The following CSPP1 variants were observed in gnomAD, a reference collection of about 807,000 sequenced individuals.
CSPP1 encodes centrosome and spindle pole-associated protein 1.
CSPP1 carries 126 observed loss-of-function variants against 164.4 expected under a neutral mutation model. That is an observed-to-expected ratio of 0.77 (90% CI 0.66 to 0.89). The LOEUF is 0.89. CSPP1 is among the 40% of genes least tolerant of loss of function. The pLI, the probability that CSPP1 is intolerant of heterozygous loss-of-function variation, is 0.00. For synonymous variants in CSPP1, 472 were observed against 476.7 expected (o/e 0.99, Z 0.13); for missense variants, 1,395 against 1,449.8 (o/e 0.96, Z 0.61).
intron 28 of CSPP1, among the ~76,000 whole-genome samples, chr8:67,183,714 A>C (rs962542047): frequency 2.0e-5 from 3 of 152,168 alleles, no homozygotes; most frequent in Non-Finnish European, 2.9e-5. Flanking sequence ...GCCAAACTCT[A>C]AAACTCACAG....
In CSPP1 at chr8:67,066,019, A is replaced by G. The variant is rs140923503; in HGVS notation, c.-11+1481A>G. ...ATCATTCTGACTTAGGTTCTGATGT[A>G]CTTTCCTGAGTGGCAGGCAAGGGTG... On this transcript the variant is annotated intron_variant, in intron 1 of 30. Coordinates refer to ENST00000678616, the MANE Select transcript of CSPP1 (RefSeq NM_001382391.1). Among the ~76,000 whole-genome samples, 64 of 152,324 alleles carry G rather than the reference A, an allele frequency of 4.2e-4. No individual in the cohort carries two copies. The East Asian group carries it at 0.012, about 28-fold the overall frequency.
At chr8:67,066,157 T>C (rs1009477533) in intron 1 of CSPP1, among the ~76,000 whole-genome samples, 6 of 152,128 alleles carry the variant, frequency 3.9e-5, no homozygotes, top group African/African-American at 1.2e-4. Context: ...TCAACATGGT[T>C]TTATATATTT....
At chr8:67,157,578 T>A (rs1444359145) in intron 19 of CSPP1, 1 of 152,178 alleles carries the variant, frequency 6.6e-6, no homozygotes, top group Non-Finnish European at 1.5e-5. Context: ...AGCTCAAAAA[T>A]TAATAGCACT....
intron 17 of CSPP1, among the ~76,000 whole-genome samples, chr8:67,147,130 T>C (rs767833365): frequency 2.0e-5 from 3 of 152,244 alleles, no homozygotes; most frequent in Non-Finnish European, 4.4e-5. Flanking sequence ...GAAGTCCATA[T>C]ATAATCAACA....
intron 1 of CSPP1, among the ~76,000 whole-genome samples, chr8:67,067,699 G>A (rs1250903938): frequency 4.6e-5 from 7 of 151,866 alleles, no homozygotes; most frequent in South Asian, 2.1e-4. Context: ...TCCTGACCTC[G>A]TGATCCGCCC....
At chr8:67,087,542 A>G (rs76119008) in intron 4 of CSPP1, among the ~76,000 whole-genome samples, 3,661 of 152,276 alleles carry the variant, frequency 0.024, 63 homozygotes, top group Non-Finnish European at 0.038. Context: ...TTGTGAGGCA[A>G]TCTAGATTTG....
intron 13 of CSPP1, among the ~76,000 whole-genome samples, chr8:67,117,185 C>T (rs1818107370): frequency 1.3e-5 from 2 of 152,168 alleles, no homozygotes; most frequent in Admixed American, 6.5e-5. Context: ...CTATGAAATT[C>T]GATTTAATGA....
chr8:67,066,065 A>G (rs1046183766), intron 1 of CSPP1, among the ~76,000 whole-genome samples: 1 of 152,148 alleles, frequency 6.6e-6, no homozygotes, highest in Non-Finnish European at 1.5e-5. Context: ...TGTTTCAGCA[A>G]TTTGGCATAA....
intron 15 of CSPP1, among the ~76,000 whole-genome samples, chr8:67,130,833 C>T (rs1322558055): frequency 1.3e-5 from 2 of 151,518 alleles, no homozygotes; most frequent in East Asian, 2.0e-4. Context: ...ACTAAAAATA[C>T]GAAAATTAGC....
chr8:67,190,887 G>T, intron 29 of CSPP1, 128 bp downstream of exon 29: 1 of 678,204 alleles, frequency 1.5e-6, no homozygotes, highest in Non-Finnish European at 2.6e-6. Flanking sequence ...TCTGAATCTA[G>T]GCTCTGCCTT....
At chr8:67,092,180 A>G (rs574096602) in intron 5 of CSPP1, among the ~76,000 whole-genome samples, 58 of 152,266 alleles carry the variant, frequency 3.8e-4, no homozygotes, top group African/African-American at 1.3e-3. Context: ...ATTTCTGACT[A>G]TAAAGTTTAT....
chr8:67,191,624 A>T (rs1022779531), intron 29 of CSPP1, among the ~76,000 whole-genome samples: 1 of 152,198 alleles, frequency 6.6e-6, no homozygotes, highest in Non-Finnish European at 1.5e-5. Context: ...AGTGTTGAAT[A>T]ATTTTCCACT....
intron 7 of CSPP1, among the ~76,000 whole-genome samples, chr8:67,101,375 A>G (rs1400053697): frequency 6.6e-6 from 1 of 152,230 alleles, no homozygotes; most frequent in Admixed American, 6.5e-5. Context: ...CCAAGGGTCA[A>G]CTGTACAGTC....
intron 24 of CSPP1, among the ~76,000 whole-genome samples, chr8:67,171,387 G>A (rs926772035): frequency 1.3e-5 from 2 of 151,428 alleles, no homozygotes; most frequent in Admixed American, 6.6e-5. Context: ...GCAAGAGAGC[G>A]AGACTCCACC....
intron 1 of CSPP1, among the ~76,000 whole-genome samples, chr8:67,066,096 A>G (rs1316242312): frequency 6.6e-6 from 1 of 152,200 alleles, no homozygotes; most frequent in African/African-American, 2.4e-5. Context: ...AATTTATGCT[A>G]CTGCCGTTAA....
chr8:67,082,232 T>C (rs1341442156), intron 3 of CSPP1, among the ~76,000 whole-genome samples: 8 of 152,182 alleles, frequency 5.3e-5, no homozygotes, highest in Non-Finnish European at 1.2e-4. Context: ...GTGCTTTTCA[T>C]AGAGACAGGG....
rs368411352 is a variant in CSPP1 at position 67,165,531 on chromosome 8, C to T, written c.2828+1023C>T. Among the ~76,000 whole-genome samples the T allele has an allele frequency of 2.2e-4, 34 of 152,172 alleles. 1 individual carries two copies. The highest frequency in any genetic ancestry group is 1.7e-3 in the East Asian group (9 of 5,190). ...TAGTTGTCATGTCTCCCAGTCTCCTCGGGTCTGGGACAGTTTACCAGTCTT... is the reference window on the plus strand; with the variant it reads ...TAGTTGTCATGTCTCCCAGTCTCCTTGGGTCTGGGACAGTTTACCAGTCTT... On this transcript the variant is annotated intron_variant, in intron 24 of 30. Coordinates refer to ENST00000678616, the MANE Select transcript of CSPP1 (RefSeq NM_001382391.1).
intron 21 of CSPP1, among the ~76,000 whole-genome samples, chr8:67,160,265 G>GACC (rs1470864901): frequency 6.6e-6 from 1 of 151,270 alleles, no homozygotes; most frequent in Non-Finnish European, 1.5e-5. Flanking sequence ...AGGAGATCGA[G>GACC]ACCAGCCTGG....
chr8:67,071,392 A>T (rs1806752199), intron 1 of CSPP1, among the ~76,000 whole-genome samples: 1 of 147,598 alleles, frequency 6.8e-6, no homozygotes. Flanking sequence ...TTTTTCCCCC[A>T]GCTTCAATTC....
Sources: allele counts gnomAD v4.1 joint callset (sites outside exome capture counted in the v4.1 genomes callset), GRCh38; gene constraint gnomAD v4.1.1; transcripts MANE v1.5; gene names NCBI Gene and HGNC (gene_info 2026-07-23, HGNC 2026-07-21).